CDK5RAP2: variants seen among roughly 807,000 people sequenced by gnomAD.
The protein encoded by CDK5RAP2 is CDK5 regulatory subunit-associated protein 2.
In CDK5RAP2, 147 loss-of-function variants were observed where a neutral mutation model predicts 232.9. That is an observed-to-expected ratio of 0.63 (90% confidence interval 0.55 to 0.72). The LOEUF (loss-of-function observed/expected upper bound fraction) is 0.72. Among genes scored for constraint, CDK5RAP2 ranks in the 30% least tolerant of loss-of-function variants. The pLI is 0.00. For synonymous variants in CDK5RAP2, 833 were observed against 833.7 expected (o/e 1.00, Z 0.01); for missense variants, 2,195 against 2,231.5 (o/e 0.98, Z 0.33).
In CDK5RAP2 at chr9:120,448,085, G is replaced by A; in HGVS notation, c.2835C>T (p.Ser945=). The A allele has an allele frequency of 1.2e-6, 2 of 1,614,046 alleles. No homozygotes were observed. Among genetic ancestry groups the A allele is most frequent in the Non-Finnish European group, 1.7e-6 (2 of 1,179,984 alleles). The part of the protein sequence containing the change: ...KSRLPILIKP[S]RSLGNMYRLP... ...GACGATACATATTTCCTAATGACCG[G>A]GATGGTTTTATTAGGATTGGCAAGC... The change falls in exon 22 of 38, where the codon TCC becomes TCT. Residue 945 remains serine (S), a synonymous_variant. Transcript: ENST00000349780.
At chr9:120,493,151 G>A (rs1455349621) in intron 12 of CDK5RAP2, among the ~76,000 whole-genome samples, 2 of 152,236 alleles carry the variant, frequency 1.3e-5, no homozygotes, top group African/African-American at 4.8e-5. Context: ...GGCTCTAGGA[G>A]CTGGAAAAGG....
intron 14 of CDK5RAP2, among the ~76,000 whole-genome samples, chr9:120,480,152 C>T (rs1366277800): frequency 1.3e-5 from 2 of 152,166 alleles, no homozygotes; most frequent in East Asian, 1.9e-4. Flanking sequence ...ATGCTGGAGG[C>T]GGATGTTCAG....
intron 14 of CDK5RAP2, 61 bp downstream of exon 14, chr9:120,487,233 A>G: frequency 6.4e-7 from 1 of 1,567,060 alleles, no homozygotes; most frequent in Non-Finnish European, 8.8e-7. Context: ...GTTATCAAAT[A>G]TGTTTCAAAA....
At chr9:120,524,067 T>C (rs2040792120) in intron 11 of CDK5RAP2, among the ~76,000 whole-genome samples, 1 of 152,180 alleles carries the variant, frequency 6.6e-6, no homozygotes, top group African/African-American at 2.4e-5. Flanking sequence ...ATCTTAGCTC[T>C]ATTACTTACC....
At position 120,439,931 on chromosome 9, in the gene CDK5RAP2, A is replaced by G; in HGVS notation, c.3190T>C (p.Ser1064Pro). The G allele has an allele frequency of 6.2e-7, 1 of 1,614,176 alleles. No homozygotes were observed. The highest frequency in any genetic ancestry group is 8.5e-7 in the Non-Finnish European group (1 of 1,180,034). ...CPPDDLASLP[S>P]CKENPEDVLS... is the part of the protein sequence containing the mutation. ...ACATCTTCAGGATTTTCTTTGCATG[A>G]TGGCAAGCTGGCAAGGTCATCAGGT... Residue 1064 changes from serine to proline, a missense_variant, in exon 24 of 38, where the codon TCA becomes CCA. Ser to Pro is a moderately conservative substitution (Grantham distance 74). Transcript: ENST00000349780.
intron 12 of CDK5RAP2, among the ~76,000 whole-genome samples, chr9:120,492,569 GCAAA>G (rs1234330971): frequency 1.3e-5 from 2 of 152,078 alleles, no homozygotes; most frequent in African/African-American, 4.8e-5. Flanking sequence ...AAAAGAGCAA[GCAAA>G]CAAATGAATC....
At position 120,389,797 on chromosome 9, in the gene CDK5RAP2, G is replaced by C. The variant is rs1470918475; in HGVS notation, c.5579-10C>G. 1 of 1,613,694 alleles carries C rather than the reference G, an allele frequency of 6.2e-7. No homozygotes were observed. The highest frequency in any genetic ancestry group is 1.3e-5 in the African/African-American group (1 of 75,042). On this transcript the variant is annotated splice_polypyrimidine_tract_variant and intron_variant, in intron 36 of 37. Transcript: ENST00000349780. The stretch of plus-strand genomic sequence containing the variant: ...TTGTGGGTTACGACCACTGAGGAGA[G>C]AGCAAAGAATGCAATGATTAGGGCC...
At chr9:120,453,405 GT>G in intron 21 of CDK5RAP2, 50 bp downstream of exon 21, 1 of 1,534,206 alleles carries the variant, frequency 6.5e-7, no homozygotes, top group Non-Finnish European at 8.9e-7. Context: ...GATTTTTAAA[GT>G]TTTTTGTTTG....
chr9:120,458,396 T>C, intron 20 of CDK5RAP2, 54 bp downstream of exon 20: 2 of 1,570,340 alleles, frequency 1.3e-6, no homozygotes, highest in Non-Finnish European at 1.8e-6. Flanking sequence ...GCAAAATGAG[T>C]TTGTTCTCCC....
At chr9:120,429,130 T>G (rs1323200618) in intron 25 of CDK5RAP2, among the ~76,000 whole-genome samples, 2 of 152,118 alleles carry the variant, frequency 1.3e-5, no homozygotes, top group Admixed American at 6.6e-5. Flanking sequence ...GAGCTATCTA[T>G]GACAAACCCA....
At chr9:120,410,587 G>A (rs7853439) in intron 29 of CDK5RAP2, among the ~76,000 whole-genome samples, 55,214 of 152,062 alleles carry the variant, frequency 0.36, 11,528 homozygotes, top group African/African-American at 0.58. Context: ...AATCTCATCC[G>A]TTTCTGTATC....
Position 120,403,650 on chromosome 9 carries a change from AG to A in CDK5RAP2, c.5041+385del. 3.0e-6 allele frequency: 1 copy of A among 334,402 alleles called. No homozygotes were observed. Among genetic ancestry groups the A allele is most frequent in the Non-Finnish European group, 5.7e-6 (1 of 174,878 alleles). 20.7% of individuals were successfully genotyped at this position (334,402 alleles called of 1,614,324 possible). On this transcript the variant is annotated intron_variant, in intron 33 of 37. Coordinates refer to ENST00000349780, the MANE Select transcript of CDK5RAP2 (RefSeq NM_018249.6). The surrounding 1 kb of genome is among the most constrained non-coding windows in gnomAD (Gnocchi z 4.2). The stretch of plus-strand genomic sequence containing the variant: ...CTTCTACCGGCAAAGAGTGGGACAA[AG>A]GGGGTCTAAAAGTCACAGTGAGAGG...
At chr9:120,505,603 T>C (rs1374516369) in intron 12 of CDK5RAP2, among the ~76,000 whole-genome samples, 6 of 152,212 alleles carry the variant, frequency 3.9e-5, no homozygotes, top group Non-Finnish European at 7.3e-5. Context: ...TTGCACCAGT[T>C]AGCCAAACTG....
intron 25 of CDK5RAP2, among the ~76,000 whole-genome samples, chr9:120,434,470 T>A (rs1479941922): frequency 6.6e-6 from 1 of 152,140 alleles, no homozygotes; most frequent in East Asian, 1.9e-4. Context: ...TGGGACATGA[T>A]CTGACTTACA....
chr9:120,508,721 A>T (rs1053078503), intron 12 of CDK5RAP2, among the ~76,000 whole-genome samples: 2 of 152,162 alleles, frequency 1.3e-5, no homozygotes, highest in African/African-American at 4.8e-5. Context: ...TTCAAGTCTC[A>T]GCTCAAATCC....
At chr9:120,408,714 T>A (rs555431116) in intron 30 of CDK5RAP2, among the ~76,000 whole-genome samples, 1 of 152,238 alleles carries the variant, frequency 6.6e-6, no homozygotes, top group African/African-American at 2.4e-5. Context: ...TGCAGCCCGA[T>A]GTGATTTGGT....
At chr9:120,465,180 C>T (rs563782247) in intron 18 of CDK5RAP2, among the ~76,000 whole-genome samples, 16 of 152,232 alleles carry the variant, frequency 1.1e-4, no homozygotes, top group Admixed American at 7.8e-4. Context: ...TGTGCCAGGA[C>T]CTGTGCCACA....
intron 27 of CDK5RAP2, among the ~76,000 whole-genome samples, chr9:120,418,333 C>T (rs749426330): frequency 1.3e-5 from 2 of 151,994 alleles, no homozygotes; most frequent in East Asian, 1.9e-4. Flanking sequence ...GTGGACAGGG[C>T]GAAGGGTGGA....
chr9:120,432,368 C>T (rs980782742), intron 25 of CDK5RAP2, among the ~76,000 whole-genome samples: 2 of 152,122 alleles, frequency 1.3e-5, no homozygotes, highest in Admixed American at 6.5e-5. Context: ...TTGTGTGATG[C>T]AACTATAGGA....
Sources: gnomAD v4.1 joint callset for allele counts (sites outside exome capture counted in the v4.1 genomes callset) on GRCh38, gnomAD v4.1.1 for gene constraint, Gnocchi (gnomAD v3.1) non-coding constraint, MANE v1.5 for transcripts, NCBI Gene and HGNC (gene_info 2026-07-23, HGNC 2026-07-21) for gene names.